The following GALNT13 variants were observed in gnomAD, a reference collection of about 807,000 sequenced individuals.
GALNT13 encodes UDP-GalNAc:polypeptide N-acetylgalactosaminyltransferase 13.
Under a neutral mutation model 64.2 loss-of-function variants are expected in GALNT13, and 28 were observed. The ratio of observed to expected loss-of-function variants is 0.44; its 90% CI spans 0.32 to 0.60. GALNT13 has a LOEUF of 0.60. GALNT13 is among the 20% of genes least tolerant of loss of function. The pLI is 0.05. For synonymous variants in GALNT13, 214 were observed against 224.6 expected (o/e 0.95, Z 0.42); for missense variants, 577 against 669.8 (o/e 0.86, Z 1.53).
the GALNT13 span, among the ~76,000 whole-genome samples, chr2:153,263,640 C>A: frequency 2.6e-5 from 4 of 152,060 alleles, no homozygotes; most frequent in Non-Finnish European, 5.9e-5. Context: ...AGAAATAAGG[C>A]CACACATCTA....
At chr2:153,429,830 C>T in the GALNT13 span, among the ~76,000 whole-genome samples, 1 of 152,118 alleles carries the variant, frequency 6.6e-6, no homozygotes, top group African/African-American at 2.4e-5. Context: ...CCCTCACCAT[C>T]ACCTATTTTT....
chr2:153,208,538 T>G, the GALNT13 span, among the ~76,000 whole-genome samples: 2 of 152,180 alleles, frequency 1.3e-5, no homozygotes, highest in African/African-American at 4.8e-5. Flanking sequence ...CACAGCACAC[T>G]TTGTTTATCT....
the GALNT13 span, among the ~76,000 whole-genome samples, chr2:153,658,223 G>A: frequency 1.3e-5 from 2 of 152,014 alleles, no homozygotes; most frequent in Non-Finnish European, 2.9e-5. Context: ...TCTTCAAAAT[G>A]CTTGATTTCT....
the GALNT13 span, among the ~76,000 whole-genome samples, chr2:153,268,219 TG>T: frequency 1.3e-5 from 2 of 151,980 alleles, no homozygotes; most frequent in East Asian, 3.9e-4. Flanking sequence ...GATACAATGG[TG>T]GGGGGTGGCA....
At chr2:154,125,128 A>G (rs989308347) in intron 3 of GALNT13, among the ~76,000 whole-genome samples, 15 of 152,266 alleles carry the variant, frequency 9.9e-5, no homozygotes, top group Middle Eastern at 3.4e-3. Context: ...AAATGAGTTA[A>G]TATATGGAAC....
At chr2:153,697,702 C>T in the GALNT13 span, among the ~76,000 whole-genome samples, 3 of 152,058 alleles carry the variant, frequency 2.0e-5, no homozygotes, top group African/African-American at 4.8e-5. Context: ...GGGGTAGAAG[C>T]GGAAAGCTGA....
At chr2:153,238,425 G>A in the GALNT13 span, among the ~76,000 whole-genome samples, 27 of 152,008 alleles carry the variant, frequency 1.8e-4, no homozygotes, top group African/African-American at 5.6e-4. Flanking sequence ...ATCCTGGACA[G>A]TTTCCCCAGT....
chr2:154,310,722 A>G (rs930923745), intron 9 of GALNT13, among the ~76,000 whole-genome samples: 1 of 152,138 alleles, frequency 6.6e-6, no homozygotes, highest in African/African-American at 2.4e-5. Flanking sequence ...AGCATTAAGA[A>G]TGAGAGCACT....
intron 2 of GALNT13, among the ~76,000 whole-genome samples, chr2:153,931,592 G>T (rs1690522938): frequency 6.6e-6 from 1 of 151,994 alleles, no homozygotes; most frequent in African/African-American, 2.4e-5. Context: ...CTTTTTCTGT[G>T]TCTATCAAGA....
intron 3 of GALNT13, among the ~76,000 whole-genome samples, chr2:154,101,043 G>A (rs1268493272): frequency 6.6e-6 from 1 of 151,938 alleles, no homozygotes; most frequent in Non-Finnish European, 1.5e-5. Context: ...CCCTTGCATC[G>A]TGCAGTAGAA....
the GALNT13 span, among the ~76,000 whole-genome samples, chr2:153,539,379 A>G: frequency 6.6e-6 from 1 of 151,954 alleles, no homozygotes; most frequent in African/African-American, 2.4e-5. Context: ...TTTGCTGTGC[A>G]GAAGCTCTTT....
chr2:154,139,530 T>A (rs1558980724), intron 3 of GALNT13, among the ~76,000 whole-genome samples: 3 of 151,810 alleles, frequency 2.0e-5, no homozygotes, highest in South Asian at 2.1e-4. Context: ...TAATTTAATA[T>A]CACTCTGAAG....
At chr2:154,014,584 T>TG (rs142348148) in intron 3 of GALNT13, among the ~76,000 whole-genome samples, 8,199 of 148,120 alleles carry the variant, frequency 0.055, 503 homozygotes, top group African/African-American at 0.15. Context: ...TCTGTTTTTT[T>TG]TTGTTGTTGT....
At chr2:153,218,990 A>G in the GALNT13 span, among the ~76,000 whole-genome samples, 1 of 152,230 alleles carries the variant, frequency 6.6e-6, no homozygotes, top group Non-Finnish European at 1.5e-5. Context: ...ACAACTAACT[A>G]CATTACAAGT....
At chr2:153,832,410 A>C in the GALNT13 span, among the ~76,000 whole-genome samples, 3 of 152,190 alleles carry the variant, frequency 2.0e-5, no homozygotes, top group Non-Finnish European at 4.4e-5. Context: ...AAGTTCAAAA[A>C]TAAGTGGAGT....
At chr2:153,309,563 T>C in the GALNT13 span, among the ~76,000 whole-genome samples, 1 of 152,066 alleles carries the variant, frequency 6.6e-6, no homozygotes, top group Non-Finnish European at 1.5e-5. Context: ...CATGCTCTCC[T>C]TGATTTCCAA....
At chr2:153,444,500 G>A in the GALNT13 span, among the ~76,000 whole-genome samples, 1 of 152,170 alleles carries the variant, frequency 6.6e-6, no homozygotes, top group Non-Finnish European at 1.5e-5. Flanking sequence ...CTATCCATTT[G>A]ATGGTATGAC....
the GALNT13 span, among the ~76,000 whole-genome samples, chr2:153,280,660 A>C: frequency 6.6e-6 from 1 of 152,088 alleles, no homozygotes; most frequent in Admixed American, 6.6e-5. Flanking sequence ...ATTTTCATAT[A>C]ATTGTTTTAC....
chr2:153,423,029 T>C, the GALNT13 span, among the ~76,000 whole-genome samples: 2 of 151,940 alleles, frequency 1.3e-5, no homozygotes, highest in Non-Finnish European at 2.9e-5. Context: ...TTTGGTAAAC[T>C]ATACTTTGAT....
Sources: gnomAD v4.1 joint callset for allele counts (sites outside exome capture counted in the v4.1 genomes callset) on GRCh38, gnomAD v4.1.1 for gene constraint, MANE v1.5 for transcripts, NCBI Gene and HGNC (gene_info 2026-07-23, HGNC 2026-07-21) for gene names.